NUBPL: variants seen among roughly 807,000 people sequenced by gnomAD.
NUBPL encodes the protein iron-sulfur cluster transfer protein NUBPL.
NUBPL carries 31 observed loss-of-function variants against 45.7 expected under a neutral mutation model. The ratio of observed to expected loss-of-function variants is 0.68; its 90% confidence interval spans 0.51 to 0.92. The LOEUF is 0.92. Ranked by LOEUF, NUBPL falls within the 40% of genes least tolerant of loss-of-function variation. The pLI, the probability that NUBPL is intolerant of heterozygous loss-of-function variation, is 0.00. For missense variants in NUBPL, 401 were observed against 398.7 expected, an observed-to-expected ratio of 1.01 and a Z score of -0.05; for synonymous variants, 144 against 140.9, an observed-to-expected ratio of 1.02 and a Z score of -0.15.
chr14:31,586,870 G>T (rs1234351946), intron 3 of NUBPL, among the ~76,000 whole-genome samples: 2 of 151,992 alleles, frequency 1.3e-5, no homozygotes, highest in South Asian at 4.1e-4. Context: ...GGTAATGAAT[G>T]AAAAAATGGT....
intron 7 of NUBPL, among the ~76,000 whole-genome samples, chr14:31,807,356 A>G (rs1305169100): frequency 6.6e-6 from 1 of 152,024 alleles, no homozygotes; most frequent in African/African-American, 2.4e-5. Flanking sequence ...TTTGATTTGC[A>G]TTTCTCTGAT....
chr14:31,732,632 G>C (rs1192074101), intron 6 of NUBPL, among the ~76,000 whole-genome samples: 1 of 59,770 alleles, frequency 1.7e-5, no homozygotes, highest in Non-Finnish European at 4.0e-5. Context: ...TTTTTTTTGA[G>C]ATGGAGTCTC....
At chr14:31,707,344 C>G (rs990722291) in intron 6 of NUBPL, among the ~76,000 whole-genome samples, 3 of 152,226 alleles carry the variant, frequency 2.0e-5, no homozygotes, top group Non-Finnish European at 4.4e-5. Flanking sequence ...TAAATTTACC[C>G]TGGCTTTTAA....
At chr14:31,845,371 A>C (rs1263140382) in intron 8 of NUBPL, 1 of 152,240 alleles carries the variant, frequency 6.6e-6, no homozygotes, top group East Asian at 1.9e-4. Context: ...ATGATAAAAT[A>C]ACCATCTCGG....
At chr14:31,704,575 A>C (rs1195129697) in intron 6 of NUBPL, among the ~76,000 whole-genome samples, 1 of 152,106 alleles carries the variant, frequency 6.6e-6, no homozygotes, top group East Asian at 1.9e-4. Context: ...AGACAGGAGA[A>C]TCGCTTGAAC....
At chr14:31,832,628 T>C (rs2040211266) in intron 8 of NUBPL, among the ~76,000 whole-genome samples, 1 of 152,224 alleles carries the variant, frequency 6.6e-6, no homozygotes, top group Admixed American at 6.5e-5. Context: ...TATTACCACT[T>C]AGAGAACTAT....
intron 3 of NUBPL, among the ~76,000 whole-genome samples, chr14:31,572,781 A>G (rs1366011709): frequency 6.6e-6 from 1 of 152,186 alleles, no homozygotes; most frequent in Non-Finnish European, 1.5e-5. Flanking sequence ...CGTAGAGTGT[A>G]CTTAAACAAA....
chr14:31,621,674 A>C (rs1380624737), intron 4 of NUBPL, among the ~76,000 whole-genome samples: 1 of 152,216 alleles, frequency 6.6e-6, no homozygotes, highest in Non-Finnish European at 1.5e-5. Context: ...GGAAATGCAG[A>C]AATCACCCGC....
intron 6 of NUBPL, among the ~76,000 whole-genome samples, chr14:31,678,555 C>A (rs888512298): frequency 6.6e-6 from 1 of 152,196 alleles, no homozygotes; most frequent in African/African-American, 2.4e-5. Flanking sequence ...TATCGGGTTA[C>A]CTTCTGGCCC....
chr14:31,602,663 A>T (rs550869405), intron 4 of NUBPL, among the ~76,000 whole-genome samples: 1 of 152,288 alleles, frequency 6.6e-6, no homozygotes, highest in Admixed American at 6.5e-5. Context: ...AGTTACAACT[A>T]CTGTGAGGAT....
rs371997868 is a variant in NUBPL at position 31,601,390 on chromosome 14, C to T, written c.382+2011C>T. Among the ~76,000 whole-genome samples the T allele has an allele frequency of 5.7e-4, 87 of 152,240 alleles. No individual in the cohort carries two copies. The East Asian group carries it at 7.9e-3, about 14-fold the overall frequency. On this transcript the variant is annotated intron_variant, in intron 4 of 10. Transcript: ENST00000281081. The stretch of plus-strand genomic sequence containing the variant: ...TATTGATTCTTCCTACCCATGAGCA[C>T]GGAATGTTCTTCCATTTGTTTGTAT...
intron 3 of NUBPL, among the ~76,000 whole-genome samples, chr14:31,596,374 G>A (rs186852733): frequency 5.9e-5 from 9 of 152,264 alleles, no homozygotes; most frequent in Non-Finnish European, 8.8e-5. Context: ...ACTGGCCTGC[G>A]TGCTCTTGGT....
chr14:31,634,892 G>C (rs1406811944), intron 4 of NUBPL, among the ~76,000 whole-genome samples: 1 of 148,780 alleles, frequency 6.7e-6, no homozygotes, highest in African/African-American at 2.6e-5. Flanking sequence ...GTCTTCTTTT[G>C]AGAAGTGTCT....
At chr14:31,724,427 C>T (rs1041140889) in intron 6 of NUBPL, among the ~76,000 whole-genome samples, 1 of 139,000 alleles carries the variant, frequency 7.2e-6, no homozygotes, top group Admixed American at 7.7e-5. Flanking sequence ...AATCTCATGC[C>T]ACTGGCTCTT....
chr14:31,781,791 C>A (rs184233242), intron 6 of NUBPL, among the ~76,000 whole-genome samples: 2 of 152,142 alleles, frequency 1.3e-5, no homozygotes, highest in Non-Finnish European at 2.9e-5. Flanking sequence ...ATGACTTACT[C>A]AGACCATCTA....
At chr14:31,732,609 C>CTTTTTTTTTTTTTTT (rs71986817) in intron 6 of NUBPL, among the ~76,000 whole-genome samples, 1 of 81,042 alleles carries the variant, frequency 1.2e-5, no homozygotes, top group Non-Finnish European at 2.3e-5. Flanking sequence ...AATTTGTTCT[C>CTTTTTTTTTTTTTTT]TTTTTTTTTT....
chr14:31,828,012 G>A (rs891287942), intron 8 of NUBPL, among the ~76,000 whole-genome samples: 2 of 149,074 alleles, frequency 1.3e-5, no homozygotes, highest in Non-Finnish European at 3.0e-5. Flanking sequence ...ACATGTTCTC[G>A]TGAAAATCGA....
intron 8 of NUBPL, among the ~76,000 whole-genome samples, chr14:31,834,459 G>A (rs565754238): frequency 7.4e-4 from 113 of 152,216 alleles, no homozygotes; most frequent in Middle Eastern, 3.4e-3. Context: ...GATTACAGGC[G>A]TGAGCCACTG....
intron 7 of NUBPL, among the ~76,000 whole-genome samples, chr14:31,807,882 C>T (rs1239232861): frequency 6.6e-6 from 1 of 152,144 alleles, no homozygotes; most frequent in African/African-American, 2.4e-5. Context: ...AATAGGGAAT[C>T]CTTTCCCCAT....
Sources: allele counts gnomAD v4.1 joint callset (sites outside exome capture counted in the v4.1 genomes callset), GRCh38; gene constraint gnomAD v4.1.1; transcripts MANE v1.5; gene names NCBI Gene and HGNC (gene_info 2026-07-23, HGNC 2026-07-21).